The following DAB1 variants were observed in gnomAD, a reference collection of about 807,000 sequenced individuals.
DAB1 encodes the protein DAB adaptor protein 1.
Under a neutral mutation model 64.6 loss-of-function variants are expected in DAB1, and 15 were observed. The observed-to-expected ratio is 0.23, with a 90% CI of 0.16 to 0.36. The LOEUF is 0.36. Ranked by LOEUF, DAB1 falls within the 10% of genes least tolerant of loss-of-function variation. DAB1 has a pLI of 1.00. For missense variants in DAB1, 596 were observed against 706.7 expected, an observed-to-expected ratio of 0.84 and a Z score of 1.78; for synonymous variants, 235 against 251.9, an observed-to-expected ratio of 0.93 and a Z score of 0.64.
At chr1:58,135,968 T>C (rs1653921097) in intron 5 of DAB1, among the ~76,000 whole-genome samples, 2 of 152,104 alleles carry the variant, frequency 1.3e-5, no homozygotes, top group African/African-American at 4.8e-5. Context: ...AGTGTACTCA[T>C]GTGTAAAATG....
In DAB1 at chr1:58,441,680, C is replaced by T. The variant is rs150215445; in HGVS notation, n.257+64380G>A. Among the ~76,000 whole-genome samples the T allele has an allele frequency of 2.4e-3, 366 of 152,272 alleles. 1 individual carries two copies. The highest frequency in any genetic ancestry group is 4.3e-3 in the Non-Finnish European group (290 of 68,002). On this transcript the variant is annotated intron_variant and non_coding_transcript_variant, in intron 3 of 20. Coordinates refer to the DAB1 transcript ENST00000485760. ...CTGACATTTCTCTCATATGGTTTTC[C>T]TACCAGCGTGCAAGATGTCCTCCTG... is the stretch of plus-strand genomic sequence containing the variant.
At chr1:58,504,547 A>T (rs1645956758) in intron 3 of DAB1, among the ~76,000 whole-genome samples, 1 of 152,156 alleles carries the variant, frequency 6.6e-6, no homozygotes, top group Non-Finnish European at 1.5e-5. Context: ...ATTGCTTGGC[A>T]TACTATATGT....
intron 6 of DAB1, among the ~76,000 whole-genome samples, chr1:57,716,693 A>G (rs540994369): frequency 1.3e-5 from 2 of 152,330 alleles, no homozygotes; most frequent in Admixed American, 6.5e-5. Context: ...TTAAAATACG[A>G]CTTCAAAAGC....
chr1:57,168,546 T>C (rs754738675), intron 2 of DAB1, among the ~76,000 whole-genome samples: 8 of 152,196 alleles, frequency 5.3e-5, no homozygotes, highest in Non-Finnish European at 1.0e-4. Context: ...GCTCCCCTTA[T>C]CCTGTCTGCC....
At chr1:57,872,716 C>T (rs1643974180) in intron 1 of DAB1, among the ~76,000 whole-genome samples, 1 of 151,996 alleles carries the variant, frequency 6.6e-6, no homozygotes, top group African/African-American at 2.4e-5. Context: ...TTGTGGAGCC[C>T]AGAGGAAGGA....
intron 7 of DAB1, among the ~76,000 whole-genome samples, chr1:57,512,541 A>C (rs987632081): frequency 3.9e-5 from 6 of 152,218 alleles, no homozygotes; most frequent in African/African-American, 1.4e-4. Flanking sequence ...CTGCCAAAGA[A>C]GACAGACATT....
chr1:58,023,128 G>C (rs1326988414), intron 5 of DAB1, among the ~76,000 whole-genome samples: 2 of 152,108 alleles, frequency 1.3e-5, no homozygotes, highest in African/African-American at 4.8e-5. Context: ...TTGCCCTTCT[G>C]TGCTCATTTA....
intron 3 of DAB1, among the ~76,000 whole-genome samples, chr1:58,435,742 C>T (rs1313409321): frequency 2.0e-5 from 3 of 152,204 alleles, no homozygotes; most frequent in Non-Finnish European, 4.4e-5. Context: ...CTGCCTCCAG[C>T]CTTGTGCCCT....
At chr1:57,781,696 C>T (rs1453792735) in intron 6 of DAB1, among the ~76,000 whole-genome samples, 1 of 132,118 alleles carries the variant, frequency 7.6e-6, no homozygotes, top group Non-Finnish European at 1.6e-5. Context: ...GACTTTGCAT[C>T]TGGTTAAAGC....
At chr1:58,496,903 A>G (rs1329233232) in intron 3 of DAB1, among the ~76,000 whole-genome samples, 2 of 152,162 alleles carry the variant, frequency 1.3e-5, no homozygotes, top group African/African-American at 4.8e-5. Context: ...GGGTGGTGCT[A>G]AATTATCACC....
At chr1:57,883,775 C>G (rs772531422) in intron 1 of DAB1, among the ~76,000 whole-genome samples, 1 of 152,208 alleles carries the variant, frequency 6.6e-6, no homozygotes, top group African/African-American at 2.4e-5. Flanking sequence ...CAAAGGCATG[C>G]GCCTTTCAGT....
At chr1:58,300,558 A>T (rs954521992) in intron 4 of DAB1, among the ~76,000 whole-genome samples, 1 of 12,920 alleles carries the variant, frequency 7.7e-5, no homozygotes, top group African/African-American at 2.4e-4. Flanking sequence ...GAAAGAAAGA[A>T]AGAAAGAAAG....
At chr1:57,212,264 G>C (rs1202081210) in intron 2 of DAB1, among the ~76,000 whole-genome samples, 1 of 151,612 alleles carries the variant, frequency 6.6e-6, no homozygotes, top group African/African-American at 2.4e-5. Flanking sequence ...TCCGAGATTA[G>C]GTGGTTAGAG....
intron 6 of DAB1, among the ~76,000 whole-genome samples, chr1:57,745,481 C>G (rs535765883): frequency 1.3e-5 from 2 of 152,250 alleles, no homozygotes; most frequent in East Asian, 3.9e-4. Flanking sequence ...TGTTCTGTTA[C>G]TTTTCTTTAC....
At chr1:57,551,152 C>T (rs925833007) in intron 7 of DAB1, among the ~76,000 whole-genome samples, 3 of 152,186 alleles carry the variant, frequency 2.0e-5, no homozygotes, top group African/African-American at 4.8e-5. Context: ...ATAGCACGTT[C>T]GTCTTGCACG....
chr1:57,505,355 T>G (rs1451941468), intron 7 of DAB1, among the ~76,000 whole-genome samples: 1 of 152,178 alleles, frequency 6.6e-6, no homozygotes, highest in African/African-American at 2.4e-5. Context: ...CCAAGGAAAT[T>G]AAGAGATTTG....
intron 5 of DAB1, among the ~76,000 whole-genome samples, chr1:58,004,607 T>C (rs1646553278): frequency 6.6e-6 from 1 of 152,192 alleles, no homozygotes; most frequent in South Asian, 2.1e-4. Context: ...CCTCTGAGCC[T>C]CAGTTTCTCC....
intron 4 of DAB1, among the ~76,000 whole-genome samples, chr1:58,289,694 G>A (rs942660856): frequency 1.1e-4 from 17 of 152,138 alleles, no homozygotes; most frequent in African/African-American, 3.6e-4. Context: ...AATTTGCTAC[G>A]GATTCTTACA....
At chr1:57,684,991 T>C (rs532666471) in intron 6 of DAB1, among the ~76,000 whole-genome samples, 62 of 151,700 alleles carry the variant, frequency 4.1e-4, no homozygotes, top group Non-Finnish European at 8.4e-4. Context: ...TCTTGCTCTG[T>C]CACCCAGGCT....
Sources: gnomAD v4.1 joint callset for allele counts (sites outside exome capture counted in the v4.1 genomes callset) on GRCh38, gnomAD v4.1.1 for gene constraint, MANE v1.5 for transcripts, NCBI Gene and HGNC (gene_info 2026-07-23, HGNC 2026-07-21) for gene names.